Variants in RCAN2 observed in about 807,000 individuals in gnomAD.
RCAN2 encodes the protein calcipressin-2.
RCAN2 carries 9 observed loss-of-function variants against 23.6 expected under a neutral mutation model. That is an observed-to-expected ratio of 0.38 (90% CI 0.23 to 0.67). The LOEUF (loss-of-function observed/expected upper bound fraction) is 0.67, where lower values mean the gene tolerates loss of function less well. RCAN2 is among the 30% of genes least tolerant of loss of function. RCAN2 has a pLI of 0.51. For missense variants in RCAN2, 273 were observed against 302.3 expected, an observed-to-expected ratio of 0.90 and a Z score of 0.72; for synonymous variants, 109 against 115.7, an observed-to-expected ratio of 0.94 and a Z score of 0.37.
rs548180462 is a variant in RCAN2, at chr6:46,478,095, G to C, written c.-3+13078C>G. On this transcript the variant is annotated intron_variant, in intron 1 of 4. Coordinates refer to ENST00000371374, the MANE Select transcript of RCAN2 (RefSeq NM_001251974.2). ...TCCAAGGATGCTACGATGATTTCTT[G>C]CAAAGACTAGAATATACAAAGAATG... is the stretch of plus-strand genomic sequence containing the variant. 2.6e-5 allele frequency among the ~76,000 whole-genome samples: 4 copies of C among 152,302 alleles called. No individual in the cohort carries two copies. The South Asian group carries it at 8.3e-4, about 32-fold the overall frequency.
intron 2 of RCAN2, among the ~76,000 whole-genome samples, chr6:46,357,173 T>C (rs558529916): frequency 6.6e-6 from 1 of 152,272 alleles, no homozygotes; most frequent in Non-Finnish European, 1.5e-5. Flanking sequence ...GAAAAATTTG[T>C]CCCTCAGTTC....
intron 4 of RCAN2, among the ~76,000 whole-genome samples, chr6:46,231,697 A>C (rs529110833): frequency 6.6e-6 from 1 of 152,274 alleles, no homozygotes; most frequent in East Asian, 1.9e-4. Context: ...GGTGTGAGCC[A>C]CCACGCCCGG....
chr6:46,274,723 G>C (rs987135829), intron 2 of RCAN2, among the ~76,000 whole-genome samples: 2 of 152,222 alleles, frequency 1.3e-5, no homozygotes, highest in African/African-American at 4.8e-5. Flanking sequence ...AGACATGGTT[G>C]TGTGGACATC....
chr6:46,365,785 A>C (rs566685287), intron 2 of RCAN2, among the ~76,000 whole-genome samples: 1 of 152,194 alleles, frequency 6.6e-6, no homozygotes, highest in East Asian at 1.9e-4. Context: ...TTAGCTAGTT[A>C]TTTGATGAGC....
intron 2 of RCAN2, among the ~76,000 whole-genome samples, chr6:46,336,147 G>GC (rs1764133971): frequency 6.6e-6 from 1 of 152,244 alleles, no homozygotes; most frequent in African/African-American, 2.4e-5. Flanking sequence ...GACACAGTTG[G>GC]AAAGCAGCAA....
At chr6:46,390,744 G>A (rs1765909232) in intron 2 of RCAN2, among the ~76,000 whole-genome samples, 1 of 152,216 alleles carries the variant, frequency 6.6e-6, no homozygotes, top group Non-Finnish European at 1.5e-5. Context: ...CAAGAAGCAA[G>A]AAGATTAAAG....
At chr6:46,295,726 G>A (rs929314234) in intron 2 of RCAN2, among the ~76,000 whole-genome samples, 1 of 152,130 alleles carries the variant, frequency 6.6e-6, no homozygotes, top group Non-Finnish European at 1.5e-5. Context: ...AAGAGCATCA[G>A]TTGTTAGGAT....
At chr6:46,223,512 C>T (rs199617854) in intron 4 of RCAN2, among the ~76,000 whole-genome samples, 1 of 152,140 alleles carries the variant, frequency 6.6e-6, no homozygotes, top group African/African-American at 2.4e-5. Context: ...CAACCCCAAA[C>T]AAGCCACTCA....
chr6:46,327,359 G>A (rs1353205011), intron 2 of RCAN2, among the ~76,000 whole-genome samples: 1 of 151,328 alleles, frequency 6.6e-6, no homozygotes, highest in Non-Finnish European at 1.5e-5. Context: ...AGACAGAGAA[G>A]TGAGGGGTGC....
intron 2 of RCAN2, among the ~76,000 whole-genome samples, chr6:46,408,557 C>T (rs1766470352): frequency 6.6e-6 from 1 of 152,116 alleles, no homozygotes; most frequent in African/African-American, 2.4e-5. Flanking sequence ...TAGGCACTGC[C>T]ACTAGGACTC....
chr6:46,407,043 G>A (rs1031902954), intron 2 of RCAN2, among the ~76,000 whole-genome samples: 1 of 152,180 alleles, frequency 6.6e-6, no homozygotes, highest in Non-Finnish European at 1.5e-5. Context: ...GAGCTCCTGG[G>A]GCATGGAACT....
chr6:46,263,535 G>A (rs1767206828), intron 2 of RCAN2, among the ~76,000 whole-genome samples: 1 of 58,726 alleles, frequency 1.7e-5, no homozygotes, highest in Non-Finnish European at 3.9e-5. Flanking sequence ...GTGTGTGTGT[G>A]TGTATGTGTG....
In RCAN2 at chr6:46,367,022, G is replaced by GATATATATATATATATAT. The variant is rs60245042; in HGVS notation, c.225+89712_225+89729dup. Reference sequence around the variant, plus strand: ...ATTTTATTTTCAGTTATCTGGGATGGATATATATATATATATATATATATA... The same window carrying GATATATATATATATATAT: ...ATTTTATTTTCAGTTATCTGGGATGGATATATATATATATATATATATATATATATATATATATATATA... On this transcript the variant is annotated intron_variant, in intron 2 of 4. Transcript: ENST00000371374. 3.3e-3 allele frequency among the ~76,000 whole-genome samples: 196 copies of GATATATATATATATATAT among 59,626 alleles called. 10 individuals carry two copies. Among genetic ancestry groups the GATATATATATATATATAT allele is most frequent in the Admixed American group, 4.1e-3 (21 of 5,174 alleles). 39.1% of individuals were successfully genotyped at this position (59,626 alleles called of 152,430 possible). A position where few individuals can be genotyped will look rare whatever the true frequency, so the allele number is the denominator to read the frequency against.
At chr6:46,270,313 A>C (rs2150332538) in intron 2 of RCAN2, among the ~76,000 whole-genome samples, 1 of 152,294 alleles carries the variant, frequency 6.6e-6, no homozygotes, top group Admixed American at 6.5e-5. Context: ...GCTGAGGGGC[A>C]ATGGGCCTCC....
At chr6:46,284,101 A>G (rs1338366257) in intron 2 of RCAN2, among the ~76,000 whole-genome samples, 1 of 152,198 alleles carries the variant, frequency 6.6e-6, no homozygotes, top group African/African-American at 2.4e-5. Context: ...TTTTTTTTTA[A>G]TAAATGAGAA....
At position 46,491,285 on chromosome 6, in the gene RCAN2, C is replaced by A. The variant is rs1001973004; in HGVS notation, c.-115G>T. ...CTGCCTGCTCACCTGCCCGCCGGTGCGAGCGCGTGGGGGCGGCGCGGTGCC... is the reference window on the plus strand; with the variant it reads ...CTGCCTGCTCACCTGCCCGCCGGTGAGAGCGCGTGGGGGCGGCGCGGTGCC... On this transcript the variant is annotated 5_prime_UTR_variant, in exon 1 of 5. Coordinates refer to ENST00000371374, the MANE Select transcript of RCAN2 (RefSeq NM_001251974.2). 4 of 151,060 alleles carry A rather than the reference C, an allele frequency of 2.6e-5. No individual in the cohort carries two copies. Among genetic ancestry groups the A allele is most frequent in the African/African-American group, 9.7e-5 (4 of 41,290 alleles). The allele number at this position is 151,060 out of a possible 1,614,324, so 9.4% of individuals were successfully genotyped here.
chr6:46,482,603 C>T (rs1340118853), intron 1 of RCAN2, among the ~76,000 whole-genome samples: 1 of 151,950 alleles, frequency 6.6e-6, no homozygotes, highest in Non-Finnish European at 1.5e-5. Flanking sequence ...AAAGATATGC[C>T]CTTGAAAGTT....
At chr6:46,263,479 G>C (rs199833429) in intron 2 of RCAN2, among the ~76,000 whole-genome samples, 1 of 140,582 alleles carries the variant, frequency 7.1e-6, no homozygotes, top group Non-Finnish European at 1.5e-5. Context: ...GTGTGTATGT[G>C]TGTGTGTGTG....
At chr6:46,475,441 T>C (rs1768688695) in intron 1 of RCAN2, among the ~76,000 whole-genome samples, 1 of 152,156 alleles carries the variant, frequency 6.6e-6, no homozygotes, top group African/African-American at 2.4e-5. Context: ...AAATGAGATA[T>C]GAGCAGGCTG....
Sources: allele counts gnomAD v4.1 joint callset (sites outside exome capture counted in the v4.1 genomes callset), GRCh38; gene constraint gnomAD v4.1.1; transcripts MANE v1.5; gene names NCBI Gene and HGNC (gene_info 2026-07-23, HGNC 2026-07-21).